Variants in MOBP observed in about 807,000 individuals in gnomAD.
MOBP encodes myelin-associated oligodendrocyte basic protein.
MOBP carries 5 observed loss-of-function variants against 15.0 expected under a neutral mutation model. That is an observed-to-expected ratio of 0.33 (90% CI 0.17 to 0.70). The LOEUF (loss-of-function observed/expected upper bound fraction) is 0.70. Among genes scored for constraint, MOBP ranks in the 30% least tolerant of loss-of-function variants. MOBP has a pLI of 0.67. For missense variants in MOBP, 188 were observed against 257.8 expected, an observed-to-expected ratio of 0.73 and a Z score of 1.85; for synonymous variants, 88 against 99.0, an observed-to-expected ratio of 0.89 and a Z score of 0.66.
chr3:39,470,832 G>C (rs1300656665), intron 1 of MOBP, among the ~76,000 whole-genome samples: 1 of 152,162 alleles, frequency 6.6e-6, no homozygotes, highest in Non-Finnish European at 1.5e-5. Flanking sequence ...ATTACTACCA[G>C]TATGATCTTA....
At position 39,511,055 on chromosome 3, in the gene MOBP, G is replaced by A. The variant is rs183605923; in HGVS notation, c.*-2328G>A. ...TATCATCAAAATAGAAAATTGGCAC[G>A]AGCATTCTTTGGATGTAAAAAATCA... On this transcript the variant is annotated intron_variant, in intron 4 of 4. Coordinates refer to the MOBP transcript ENST00000311042. Among the ~76,000 whole-genome samples, 167 of 152,248 alleles carry A rather than the reference G, an allele frequency of 1.1e-3. 1 individual carries two copies. Among genetic ancestry groups the A allele is most frequent in the African/African-American group, 3.8e-3 (157 of 41,556 alleles).
At chr3:39,468,068 C>T (rs2042368529) in intron 1 of MOBP, among the ~76,000 whole-genome samples, 1 of 145,830 alleles carries the variant, frequency 6.9e-6, no homozygotes, top group Admixed American at 6.7e-5. Flanking sequence ...GTACATGCTG[C>T]TGCTGCTGCT....
intron 2 of MOBP, among the ~76,000 whole-genome samples, chr3:39,485,505 C>T (rs1470909474): frequency 1.3e-5 from 2 of 152,174 alleles, no homozygotes; most frequent in Non-Finnish European, 2.9e-5. Context: ...GGAGTTGGGG[C>T]TGAGCAGTTT....
intron 2 of MOBP, among the ~76,000 whole-genome samples, chr3:39,496,011 T>C (rs540087218): frequency 2.5e-3 from 387 of 151,888 alleles, no homozygotes; most frequent in African/African-American, 8.9e-3. Context: ...ACAGACAACA[T>C]GAACTTGAAA....
chr3:39,516,466 C>CT (rs1303021285), downstream of MOBP, among the ~76,000 whole-genome samples: 2 of 152,102 alleles, frequency 1.3e-5, no homozygotes, highest in Admixed American at 1.3e-4. Flanking sequence ...GATTTGCAGA[C>CT]TTAGTAGCAG....
In MOBP at chr3:39,502,125, C is replaced by G; in HGVS notation, c.56C>G (p.Ser19Cys). Residue 19 changes from serine (S) to cysteine (C), a missense_variant, in exon 3 of 4, where the codon TCC becomes TGC. Ser to Cys is a moderately radical substitution (Grantham distance 112). This residue lies in a region of MOBP where 133 missense variants were observed against 212.5 expected (regional missense o/e 0.63). Transcript: ENST00000684792. This position sits in a 1 kb window ranked among gnomAD's most constrained non-coding sequence, Gnocchi z 6.3. ...GPRLSKNQKYSEHFSIHCCPP... is the reference protein window; with the variant it reads ...GPRLSKNQKYCEHFSIHCCPP... ...AGACTCTCCAAAAACCAGAAGTACT[C>G]CGAACACTTCAGCATACACTGCTGC... 1 of 1,614,222 alleles carries G rather than the reference C, an allele frequency of 6.2e-7. No individual in the cohort carries two copies. The highest frequency in any genetic ancestry group is 8.5e-7 in the Non-Finnish European group (1 of 1,180,044).
chr3:39,473,339 C>T lies in MOBP; in HGVS notation c.-89+5599C>T, dbSNP rs138683193. On this transcript the variant is annotated intron_variant, in intron 1 of 3. Coordinates refer to ENST00000684792, the MANE Select transcript of MOBP (RefSeq NM_001393704.1). ...GAGGAGGGGGAACATGGGGAAGGGCCACCTGGCCACATGGGGAAGCGCTAA... is the reference window on the plus strand; with the variant it reads ...GAGGAGGGGGAACATGGGGAAGGGCTACCTGGCCACATGGGGAAGCGCTAA... Among the ~76,000 whole-genome samples the T allele has an allele frequency of 6.6e-3, 1,003 of 152,276 alleles. 16 individuals are homozygous for T. The highest frequency in any genetic ancestry group is 0.023 in the African/African-American group (952 of 41,548).
At chr3:39,527,532 AC>A (rs1012296767), downstream of MOBP, 2 of 147,544 alleles carry the variant, frequency 1.4e-5, no homozygotes, top group Admixed American at 1.4e-4. Flanking sequence ...ACCTCGGCTC[AC>A]TGTAACCTTC....
rs112082184 is a variant in MOBP at position 39,502,817 on chromosome 3, C to A, written c.489C>A (p.Ser163Arg). The change falls in exon 4 of 4, where the codon AGC (serine) becomes AGA (arginine). Residue 163 changes from serine (S) to arginine (R), a missense_variant. This residue lies in a region of MOBP where 55 missense variants were observed against 45.2 expected (regional missense o/e 1.22). Coordinates refer to ENST00000684792, the MANE Select transcript of MOBP (RefSeq NM_001393704.1). This position sits in a 1 kb window ranked among gnomAD's most constrained non-coding sequence, Gnocchi z 6.3. ...AGTCCAAGCAACAGCCGCGCAGCAGCCCCCTCAGAGGGCCAGGCGCCAGCC... is the reference window on the plus strand; with the variant it reads ...AGTCCAAGCAACAGCCGCGCAGCAGACCCCTCAGAGGGCCAGGCGCCAGCC... ...PQKSKQQPRS[S>R]PLRGPGASRG... 1.3e-6 allele frequency: 2 copies of A among 1,530,494 alleles called. No individual in the cohort carries two copies. The highest frequency in any genetic ancestry group is 1.4e-5 in the African/African-American group (1 of 72,976). 94.8% of individuals were successfully genotyped at this position (1,530,494 alleles called of 1,614,324 possible).
rs1029718564 is a variant in MOBP, at chr3:39,502,850, G to T, written c.522G>T (p.Gly174=). 1.6e-5 allele frequency: 23 copies of T among 1,464,916 alleles called. No homozygotes were observed. Among genetic ancestry groups the T allele is most frequent in the Admixed American group, 2.1e-5 (1 of 46,782 alleles). The allele number at this position is 1,464,916 out of a possible 1,614,324, so 90.7% of individuals were successfully genotyped here. ...PLRGPGASRG[G]SPVKASRFW ...GAGGGCCAGGCGCCAGCCGTGGGGG[G>T]TCCCCCGTCAAAGCTTCTAGGTTCT... The change falls in exon 4 of 4, where the codon GGG becomes GGT. Residue 174 remains glycine (G), a synonymous_variant. Transcript: ENST00000684792. The surrounding 1 kb of genome is among the most constrained non-coding windows in gnomAD (Gnocchi z 6.3).
intron 2 of MOBP, among the ~76,000 whole-genome samples, chr3:39,496,353 C>T (rs1012092832): frequency 3.3e-5 from 5 of 151,858 alleles, no homozygotes; most frequent in Non-Finnish European, 5.9e-5. Flanking sequence ...TGCCCGCCAC[C>T]ACACCCAGCT....
At chr3:39,487,148 C>G (rs944510349) in intron 2 of MOBP, among the ~76,000 whole-genome samples, 2 of 151,952 alleles carry the variant, frequency 1.3e-5, no homozygotes, top group African/African-American at 4.8e-5. Flanking sequence ...GCTGTGTTGC[C>G]CAGGCTGGTC....
At chr3:39,470,481 A>G (rs943525548) in intron 1 of MOBP, among the ~76,000 whole-genome samples, 1 of 152,250 alleles carries the variant, frequency 6.6e-6, no homozygotes, top group Non-Finnish European at 1.5e-5. Context: ...CAGCTAGTGA[A>G]TGACAGAGCC....
At chr3:39,505,832 A>G (rs1340378895), downstream of MOBP, among the ~76,000 whole-genome samples, 1 of 152,206 alleles carries the variant, frequency 6.6e-6, no homozygotes, top group Non-Finnish European at 1.5e-5. Context: ...TTGGTTTTCC[A>G]GCTGCTGAGG....
intron 1 of MOBP, among the ~76,000 whole-genome samples, chr3:39,477,824 T>C (rs2042564767): frequency 6.6e-6 from 1 of 151,696 alleles, no homozygotes; most frequent in East Asian, 1.9e-4. Flanking sequence ...TGCATCTTAG[T>C]TTTTAAGAAA....
rs2042988443 is a variant in MOBP at position 39,502,556 on chromosome 3, C to T, written c.228C>T (p.Ser76=). The T allele has an allele frequency of 6.3e-7, 1 of 1,580,618 alleles. No homozygotes were observed. The highest frequency in any genetic ancestry group is 1.1e-5 in the South Asian group (1 of 87,826). ...QKTRTSRRAK[S]PQRPKQQPAA... ...TCAGAACCAGCCGCCGTGCCAAGTC[C>T]CCTCAGAGGCCCAAGCAACAGCCAG... The change falls in exon 4 of 4, where the codon TCC becomes TCT. Residue 76 remains serine, a synonymous_variant. Coordinates refer to ENST00000684792, the MANE Select transcript of MOBP (RefSeq NM_001393704.1). This position sits in a 1 kb window ranked among gnomAD's most constrained non-coding sequence, Gnocchi z 6.3.
chr3:39,496,199 C>CTTTTT (rs539988699), intron 2 of MOBP, among the ~76,000 whole-genome samples: 2 of 144,378 alleles, frequency 1.4e-5, no homozygotes, highest in Non-Finnish European at 3.0e-5. Context: ...TCTTTTTTTT[C>CTTTTT]TTTTTTTTTT....
chr3:39,529,061 AC>A (rs1407284372), downstream of MOBP: 1 of 152,386 alleles, frequency 6.6e-6, no homozygotes, highest in East Asian at 1.9e-4. Context: ...AGCAGGGCTC[AC>A]TATGACTCAC....
downstream of MOBP, chr3:39,528,348 A>G (rs2043355422): frequency 6.6e-6 from 1 of 152,194 alleles, no homozygotes; most frequent in African/African-American, 2.4e-5. Context: ...GAAAAGAGAA[A>G]CCACTGCCTG....
Sources: gnomAD v4.1 joint callset for allele counts (sites outside exome capture counted in the v4.1 genomes callset) on GRCh38, gnomAD v4.1.1 for gene constraint, gnomAD v4.1.1 regional missense constraint, Gnocchi (gnomAD v3.1) non-coding constraint, MANE v1.5 for transcripts, NCBI Gene and HGNC (gene_info 2026-07-23, HGNC 2026-07-21) for gene names.